Variants in IGSF21 observed in about 807,000 individuals in gnomAD.
IGSF21 encodes immunoglobulin superfamily member 21.
Under a neutral mutation model 46.8 loss-of-function variants are expected in IGSF21, and 28 were observed. The ratio of observed to expected loss-of-function variants is 0.60; its 90% CI spans 0.44 to 0.82. The LOEUF is 0.82. Among genes scored for constraint, IGSF21 ranks in the 40% least tolerant of loss-of-function variants. IGSF21 has a pLI of 0.00. For missense variants in IGSF21, 624 were observed against 665.5 expected (o/e 0.94, Z 0.69); for synonymous variants, 284 against 273.6 (o/e 1.04, Z -0.38).
intron 3 of IGSF21, among the ~76,000 whole-genome samples, chr1:18,327,223 G>A (rs2085666348): frequency 6.6e-6 from 1 of 152,196 alleles, no homozygotes; most frequent in Non-Finnish European, 1.5e-5. Flanking sequence ...GGTTGGCGGG[G>A]AGGGGCATGA....
intron 1 of IGSF21, among the ~76,000 whole-genome samples, chr1:18,221,679 T>G (rs1434762377): frequency 6.6e-6 from 1 of 152,182 alleles, no homozygotes; most frequent in Admixed American, 6.5e-5. Context: ...ATGAACTGCT[T>G]AGTTAAGATG....
At chr1:18,313,033 C>A (rs1285165995) in intron 3 of IGSF21, among the ~76,000 whole-genome samples, 1 of 152,176 alleles carries the variant, frequency 6.6e-6, no homozygotes, top group Non-Finnish European at 1.5e-5. Flanking sequence ...GGGCAAGAGC[C>A]CCGTTTTACT....
intron 1 of IGSF21, among the ~76,000 whole-genome samples, chr1:18,192,505 C>T (rs1278665139): frequency 6.6e-6 from 1 of 152,334 alleles, no homozygotes; most frequent in East Asian, 1.9e-4. Context: ...CATTGTCATC[C>T]CTACTGGTGT....
intron 1 of IGSF21, among the ~76,000 whole-genome samples, chr1:18,204,968 G>C (rs1040092443): frequency 6.6e-6 from 1 of 152,132 alleles, no homozygotes; most frequent in Non-Finnish European, 1.5e-5. Flanking sequence ...ACTGATGTTG[G>C]ACACACAGCC....
Position 18,376,834 on chromosome 1 carries a change from C to T in IGSF21, c.1136C>T (p.Thr379Met), listed in dbSNP as rs12076815. The change falls in exon 8 of 10, where the codon ACG becomes ATG. Residue 379 changes from threonine (T) to methionine (M), a missense_variant. Transcript: ENST00000251296. ...EVFPEPMFTW[T>M]RVGSRLLDGS... ...TTCCCGGAGCCCATGTTCACGTGGA[C>T]GCGGGTTGGGAGCCGCCTCCTGGAC... 9,814 of 1,604,924 alleles carry T rather than the reference C, an allele frequency of 6.1e-3. 395 individuals are homozygous for T. The African/African-American group carries it at 0.098, about 16-fold the overall frequency.
At chr1:18,319,198 T>C (rs1482559236) in intron 3 of IGSF21, among the ~76,000 whole-genome samples, 3 of 152,246 alleles carry the variant, frequency 2.0e-5, no homozygotes, top group African/African-American at 7.2e-5. Flanking sequence ...GCTTCCATTC[T>C]GAAGGTCACC....
chr1:18,303,886 G>A (rs1490866712), intron 3 of IGSF21, among the ~76,000 whole-genome samples: 1 of 152,194 alleles, frequency 6.6e-6, no homozygotes, highest in African/African-American at 2.4e-5. Flanking sequence ...AGGTGAGTTT[G>A]AGGACCACTG....
chr1:18,263,446 C>T (rs1404125183), intron 2 of IGSF21, among the ~76,000 whole-genome samples: 1 of 151,558 alleles, frequency 6.6e-6, no homozygotes, highest in Non-Finnish European at 1.5e-5. Flanking sequence ...TTGAACCAGG[C>T]GAATGCACAT....
chr1:18,142,499 C>T (rs2086423210), intron 1 of IGSF21, among the ~76,000 whole-genome samples: 1 of 152,170 alleles, frequency 6.6e-6, no homozygotes, highest in Admixed American at 6.5e-5. Flanking sequence ...GATTAGGATA[C>T]AAGACCCAGG....
chr1:18,282,171 G>T (rs764712817), intron 2 of IGSF21, among the ~76,000 whole-genome samples: 1 of 152,066 alleles, frequency 6.6e-6, no homozygotes, highest in Non-Finnish European at 1.5e-5. Context: ...GGGCCTGGGG[G>T]TTCCGGACTG....
intron 3 of IGSF21, among the ~76,000 whole-genome samples, chr1:18,325,068 C>T (rs2085644308): frequency 1.3e-5 from 2 of 152,194 alleles, no homozygotes; most frequent in Admixed American, 6.5e-5. Flanking sequence ...CCACCTCCAC[C>T]AGGCAGGGAA....
In IGSF21 at chr1:18,365,689, T is replaced by G. The variant is rs751708243; in HGVS notation, c.1007T>G (p.Val336Gly). The G allele has an allele frequency of 6.2e-7, 1 of 1,610,918 alleles. No homozygotes were observed. The highest frequency in any genetic ancestry group is 8.5e-7 in the Non-Finnish European group (1 of 1,177,906). The change falls in exon 6 of 10, where the codon GTC (valine) becomes GGC (glycine). Residue 336 changes from valine (V) to glycine (G), a missense_variant. Transcript: ENST00000251296. The surrounding 1 kb of genome is among the most constrained non-coding windows in gnomAD (Gnocchi z 4.8). ...CTGTCGATGCCCATGCAGGCAGAGG[T>G]CACGCTGGGTAAGACTTGGTGGGGG... is the stretch of plus-strand genomic sequence containing the variant. Reference protein sequence around the residue: ...PALSMPMQAEVTLVAPKGPKI... With the variant: ...PALSMPMQAEGTLVAPKGPKI...
chr1:18,307,375 A>G (rs1359598814), intron 3 of IGSF21, among the ~76,000 whole-genome samples: 1 of 152,244 alleles, frequency 6.6e-6, no homozygotes, highest in African/African-American at 2.4e-5. Context: ...AGTAATGTTT[A>G]TCAAGTTCCT....
At chr1:18,134,698 C>T (rs1000508674) in intron 1 of IGSF21, among the ~76,000 whole-genome samples, 2 of 152,158 alleles carry the variant, frequency 1.3e-5, no homozygotes, top group African/African-American at 4.8e-5. Context: ...GTCCAGCCCA[C>T]ACCTTCAGGG....
chr1:18,292,272 A>G (rs754792918), intron 3 of IGSF21, among the ~76,000 whole-genome samples: 42 of 152,214 alleles, frequency 2.8e-4, no homozygotes, highest in Non-Finnish European at 5.6e-4. Flanking sequence ...ATTTATTTCC[A>G]AGTGAGATAC....
At chr1:18,313,623 G>T (rs539991797) in intron 3 of IGSF21, among the ~76,000 whole-genome samples, 2 of 152,128 alleles carry the variant, frequency 1.3e-5, no homozygotes, top group African/African-American at 4.8e-5. Context: ...TATTGTGCTG[G>T]GCTCCAGGGA....
chr1:18,349,499 C>T (rs207460045), intron 4 of IGSF21, among the ~76,000 whole-genome samples: 8 of 152,016 alleles, frequency 5.3e-5, no homozygotes, highest in Non-Finnish European at 7.4e-5. Flanking sequence ...GGACAGGAGG[C>T]GCTGCAGGCA....
chr1:18,349,757 T>G (rs1255878448), intron 4 of IGSF21, among the ~76,000 whole-genome samples: 1 of 152,066 alleles, frequency 6.6e-6, no homozygotes, highest in African/African-American at 2.4e-5. Flanking sequence ...ATGATCCCAT[T>G]TCACTGGTGA....
intron 4 of IGSF21, among the ~76,000 whole-genome samples, chr1:18,346,871 T>C (rs958904511): frequency 2.6e-5 from 4 of 151,932 alleles, no homozygotes; most frequent in African/African-American, 9.7e-5. Flanking sequence ...CAGGGGCCCC[T>C]GAGCTGGATG....
Sources: allele counts gnomAD v4.1 joint callset (sites outside exome capture counted in the v4.1 genomes callset), GRCh38; gene constraint gnomAD v4.1.1; non-coding constraint Gnocchi (gnomAD v3.1); transcripts MANE v1.5; gene names NCBI Gene and HGNC (gene_info 2026-07-23, HGNC 2026-07-21).